Variants in RPS6KC1 observed in about 807,000 individuals in gnomAD.
RPS6KC1 encodes inactive ribosomal protein S6 kinase delta-1.
A neutral mutation model predicts 103.8 loss-of-function variants in RPS6KC1; 54 were observed. That is an observed-to-expected ratio of 0.52 (90% CI 0.42 to 0.65). The LOEUF (loss-of-function observed/expected upper bound fraction) is 0.65. RPS6KC1 is among the 30% of genes least tolerant of loss of function. The pLI is 0.00. For synonymous variants in RPS6KC1, 439 were observed against 438.7 expected, an observed-to-expected ratio of 1.00 and a Z score of -0.01; for missense variants, 1,151 against 1,253.8, an observed-to-expected ratio of 0.92 and a Z score of 1.24.
the RPS6KC1 span, among the ~76,000 whole-genome samples, chr1:213,783,978 G>C: frequency 4.0e-5 from 6 of 151,896 alleles, no homozygotes; most frequent in African/African-American, 1.5e-4. Flanking sequence ...TTGTTGTTAG[G>C]ACTAGTGGGG....
chr1:213,431,329 C>T, the RPS6KC1 span, among the ~76,000 whole-genome samples: 10 of 152,042 alleles, frequency 6.6e-5, no homozygotes, highest in South Asian at 4.2e-4. Context: ...AACAAGTATA[C>T]GGAAAAGTAC....
the RPS6KC1 span, among the ~76,000 whole-genome samples, chr1:213,681,054 G>A: frequency 6.6e-6 from 1 of 152,232 alleles, no homozygotes; most frequent in African/African-American, 2.4e-5. Context: ...GGCCTTCTGT[G>A]TAGACTCTGA....
chr1:213,531,649 GCCTCCTGATGA>G, the RPS6KC1 span, among the ~76,000 whole-genome samples: 40 of 152,358 alleles, frequency 2.6e-4, no homozygotes, highest in African/African-American at 9.1e-4. Context: ...GGAAGCGGAA[GCCTCCTGATGA>G]CTTAGACATA....
chr1:213,286,476 A>G, the RPS6KC1 span, among the ~76,000 whole-genome samples: 1 of 152,230 alleles, frequency 6.6e-6, no homozygotes, highest in Non-Finnish European at 1.5e-5. Context: ...CAAAAATAAT[A>G]ATTGATACAT....
At chr1:213,451,073 CG>C in the RPS6KC1 span, among the ~76,000 whole-genome samples, 1 of 152,100 alleles carries the variant, frequency 6.6e-6, no homozygotes, top group African/African-American at 2.4e-5. Flanking sequence ...TAGTTCACAT[CG>C]AAAAGAGCAC....
the RPS6KC1 span, among the ~76,000 whole-genome samples, chr1:213,794,757 T>G: frequency 3.3e-5 from 5 of 152,090 alleles, no homozygotes; most frequent in Admixed American, 2.6e-4. Flanking sequence ...GGAGAATAGC[T>G]CTATAAGCCC....
At chr1:213,562,131 G>T in the RPS6KC1 span, among the ~76,000 whole-genome samples, 1 of 152,166 alleles carries the variant, frequency 6.6e-6, no homozygotes, top group Non-Finnish European at 1.5e-5. Context: ...CTTATGCTCT[G>T]TCTTGGGATG....
At chr1:213,102,203 C>T (rs918733826) in intron 3 of RPS6KC1, among the ~76,000 whole-genome samples, 2 of 152,140 alleles carry the variant, frequency 1.3e-5, no homozygotes, top group Non-Finnish European at 1.5e-5. Context: ...TGGAGGTAGC[C>T]TCAAGCGTGG....
intron 8 of RPS6KC1, among the ~76,000 whole-genome samples, chr1:213,186,736 C>T (rs1344217220): frequency 6.6e-6 from 1 of 152,056 alleles, no homozygotes; most frequent in African/African-American, 2.4e-5. Context: ...TTTTTAATAT[C>T]TTATAGGCAG....
At chr1:213,206,063 GC>G (rs759942854) in intron 8 of RPS6KC1, among the ~76,000 whole-genome samples, 10 of 152,146 alleles carry the variant, frequency 6.6e-5, no homozygotes, top group Non-Finnish European at 1.3e-4. Flanking sequence ...TTCTGTACTT[GC>G]ATTTGAATAC....
At chr1:213,505,381 T>G in the RPS6KC1 span, among the ~76,000 whole-genome samples, 4 of 152,200 alleles carry the variant, frequency 2.6e-5, no homozygotes, top group Non-Finnish European at 5.9e-5. Context: ...TCTTTGATGG[T>G]GCCTGTGCTG....
At chr1:213,217,866 T>A (rs1466458585) in intron 8 of RPS6KC1, among the ~76,000 whole-genome samples, 1 of 152,080 alleles carries the variant, frequency 6.6e-6, no homozygotes, top group African/African-American at 2.4e-5. Flanking sequence ...ATTGATGGGA[T>A]GTATCTCAAA....
the RPS6KC1 span, among the ~76,000 whole-genome samples, chr1:213,358,073 A>G: frequency 6.6e-6 from 1 of 152,210 alleles, no homozygotes. Context: ...GATGTTCATC[A>G]GGGATATTGG....
intron 8 of RPS6KC1, among the ~76,000 whole-genome samples, chr1:213,201,359 A>G (rs894975025): frequency 6.6e-6 from 1 of 152,256 alleles, no homozygotes; most frequent in Non-Finnish European, 1.5e-5. Flanking sequence ...AACATGAAGA[A>G]GCTTTATATT....
chr1:213,104,669 C>G, intron 4 of RPS6KC1, 100 bp downstream of exon 4: 2 of 545,738 alleles, frequency 3.7e-6, no homozygotes, highest in South Asian at 2.9e-5. Flanking sequence ...TCGTTATTCA[C>G]TATAAAAGTA....
At chr1:213,078,942 G>A (rs1475023263) in intron 3 of RPS6KC1, among the ~76,000 whole-genome samples, 1 of 152,112 alleles carries the variant, frequency 6.6e-6, no homozygotes, top group African/African-American at 2.4e-5. Context: ...GTATCAGTGT[G>A]TGTGTATGGT....
the RPS6KC1 span, among the ~76,000 whole-genome samples, chr1:213,737,116 C>T: frequency 2.0e-5 from 3 of 152,270 alleles, no homozygotes; most frequent in East Asian, 5.8e-4. Context: ...CAGGTTGATA[C>T]CTTAACAATT....
At chr1:213,684,262 AC>A in the RPS6KC1 span, among the ~76,000 whole-genome samples, 1 of 152,026 alleles carries the variant, frequency 6.6e-6, no homozygotes, top group Admixed American at 6.5e-5. Context: ...CCTCACAGCA[AC>A]CCGGGGAGCT....
chr1:213,700,123 C>T, the RPS6KC1 span, among the ~76,000 whole-genome samples: 2 of 151,600 alleles, frequency 1.3e-5, no homozygotes, highest in African/African-American at 4.8e-5. Context: ...AAATTTTTGC[C>T]CAGATCCATA....
Sources: allele counts gnomAD v4.1 joint callset (sites outside exome capture counted in the v4.1 genomes callset), GRCh38; gene constraint gnomAD v4.1.1; transcripts MANE v1.5; gene names NCBI Gene and HGNC (gene_info 2026-07-23, HGNC 2026-07-21).